The following ODAD2 variants were observed in gnomAD, a reference collection of about 807,000 sequenced individuals.
ODAD2 encodes the protein outer dynein arm-docking complex subunit 2.
ODAD2 carries 89 observed loss-of-function variants against 106.8 expected under a neutral mutation model. The ratio of observed to expected loss-of-function variants is 0.83; its 90% CI spans 0.70 to 0.99. The LOEUF (loss-of-function observed/expected upper bound fraction) is 0.99. Among genes scored for constraint, ODAD2 ranks in the 50% least tolerant of loss-of-function variants. The pLI is 0.00. For synonymous variants in ODAD2, 404 were observed against 436.2 expected (o/e 0.93, Z 0.92); for missense variants, 1,168 against 1,238.5 (o/e 0.94, Z 0.85).
chr10:27,980,608 A>T (rs1849484863), intron 7 of ODAD2, among the ~76,000 whole-genome samples: 1 of 152,196 alleles, frequency 6.6e-6, no homozygotes, highest in African/African-American at 2.4e-5. Context: ...ATGCAAATCA[A>T]AGCCCCAATG....
intron 16 of ODAD2, among the ~76,000 whole-genome samples, chr10:27,924,023 A>AAAGG (rs1491290904): frequency 2.3e-5 from 3 of 129,156 alleles, no homozygotes; most frequent in African/African-American, 9.1e-5. Context: ...AGAAAGAAAG[A>AAAGG]AGGAAAGAGA....
intron 19 of ODAD2, among the ~76,000 whole-genome samples, chr10:27,835,515 C>T (rs1033580058): frequency 3.3e-5 from 5 of 152,194 alleles, no homozygotes; most frequent in Admixed American, 2.6e-4. Context: ...AGTTAGGGCA[C>T]CACGCCCTCA....
intron 1 of ODAD2, among the ~76,000 whole-genome samples, 159 bp downstream of exon 1, chr10:27,998,834 CG>C (rs1850715288): frequency 1.3e-5 from 2 of 152,092 alleles, no homozygotes; most frequent in African/African-American, 4.8e-5. Context: ...AGTCGGCGCC[CG>C]CCTGTTGCTA....
At chr10:27,987,756 G>GAT (rs961082193) in intron 2 of ODAD2, among the ~76,000 whole-genome samples, 2 of 151,556 alleles carry the variant, frequency 1.3e-5, no homozygotes, top group African/African-American at 4.8e-5. Flanking sequence ...TGACCAATAG[G>GAT]ATATAACCAA....
intron 7 of ODAD2, among the ~76,000 whole-genome samples, chr10:27,974,386 G>A (rs1231832901): frequency 1.3e-5 from 2 of 152,040 alleles, no homozygotes; most frequent in South Asian, 2.1e-4. Flanking sequence ...CTTTTATCCC[G>A]CTTGAGTTGA....
At chr10:27,883,269 A>C (rs1243331503) in intron 17 of ODAD2, among the ~76,000 whole-genome samples, 1 of 152,046 alleles carries the variant, frequency 6.6e-6, no homozygotes, top group Admixed American at 6.6e-5. Context: ...ATATCTGTCA[A>C]CTCATTTGTT....
At chr10:27,929,266 A>G (rs1350025303) in intron 16 of ODAD2, among the ~76,000 whole-genome samples, 1 of 152,142 alleles carries the variant, frequency 6.6e-6, no homozygotes. Context: ...AGGCAGATAG[A>G]TAAAACAGAT....
intron 14 of ODAD2, among the ~76,000 whole-genome samples, chr10:27,938,095 C>G (rs1428107869): frequency 6.6e-6 from 1 of 152,086 alleles, no homozygotes; most frequent in Admixed American, 6.6e-5. Flanking sequence ...ACCACCACAC[C>G]TGGCTAATTG....
At chr10:27,929,240 G>C (rs1040550521) in intron 16 of ODAD2, among the ~76,000 whole-genome samples, 4 of 152,100 alleles carry the variant, frequency 2.6e-5, no homozygotes, top group South Asian at 4.1e-4. Context: ...TAGATAGAAG[G>C]ATTGATGGAT....
intron 19 of ODAD2, among the ~76,000 whole-genome samples, chr10:27,814,158 A>G (rs1249569326): frequency 6.6e-6 from 1 of 152,102 alleles, no homozygotes; most frequent in African/African-American, 2.4e-5. Context: ...GGGGGAAAAA[A>G]GGGAAACAGG....
At chr10:27,907,403 C>A (rs1843675365) in intron 17 of ODAD2, among the ~76,000 whole-genome samples, 1 of 152,136 alleles carries the variant, frequency 6.6e-6, no homozygotes, top group African/African-American at 2.4e-5. Flanking sequence ...CTCTGATTTA[C>A]CTGGGATGCT....
intron 10 of ODAD2, among the ~76,000 whole-genome samples, chr10:27,955,340 G>A (rs1451116155): frequency 6.6e-6 from 1 of 151,936 alleles, no homozygotes; most frequent in African/African-American, 2.4e-5. Context: ...ACTCTCACTC[G>A]AATGAAGAAA....
chr10:27,940,791 G>C lies in ODAD2; in HGVS notation c.1758C>G (p.Asp586Glu), dbSNP rs762333658. The change falls in exon 13 of 20, where the codon GAC becomes GAG. Residue 586 changes from aspartate to glutamate, a missense_variant. Asp to Glu is a conservative substitution (Grantham distance 45). Transcript: ENST00000305242. ...CAGGTTTTGTGGAATCATGTGCACA[G>C]TCTAGTAGAGCAACCTATAATAATA... Reference protein sequence around the residue: ...GGITKLVALLDCAHDSTKPAQ... With the variant: ...GGITKLVALLECAHDSTKPAQ... 6 of 1,613,914 alleles carry C rather than the reference G, an allele frequency of 3.7e-6. No homozygotes were observed. Among genetic ancestry groups the C allele is most frequent in the Non-Finnish European group, 8.5e-7 (1 of 1,179,874 alleles).
chr10:27,936,244 G>A (rs182174196), intron 15 of ODAD2, among the ~76,000 whole-genome samples: 4 of 152,168 alleles, frequency 2.6e-5, no homozygotes, highest in Admixed American at 2.0e-4. Flanking sequence ...GGTCATAAAG[G>A]TTACAAATAC....
intron 17 of ODAD2, among the ~76,000 whole-genome samples, chr10:27,864,578 A>ATGGGGAGTGAGGTGAGAG (rs1840303249): frequency 1.3e-5 from 1 of 76,214 alleles, no homozygotes; most frequent in African/African-American, 5.7e-5. Context: ...TGAGGTGAGA[A>ATGGGGAGTGAGGTGAGAG]TGGGGAGTGA....
chr10:27,925,829 G>T (rs941361461), intron 16 of ODAD2, among the ~76,000 whole-genome samples: 1 of 151,978 alleles, frequency 6.6e-6, no homozygotes, highest in Non-Finnish European at 1.5e-5. Context: ...GAAGGTACTA[G>T]GGAATTAGCT....
chr10:27,834,216 TAGG>T (rs972702026), intron 19 of ODAD2, among the ~76,000 whole-genome samples: 7 of 152,172 alleles, frequency 4.6e-5, no homozygotes, highest in African/African-American at 1.4e-4. Flanking sequence ...TGAAATAATC[TAGG>T]AGGTTGTTTT....
chr10:27,942,869 G>T (rs569929415), intron 12 of ODAD2, among the ~76,000 whole-genome samples: 5 of 152,224 alleles, frequency 3.3e-5, no homozygotes, highest in Non-Finnish European at 5.9e-5. Flanking sequence ...TCTCATTTTT[G>T]AAACAAATAC....
chr10:27,833,377 GAA>G (rs34549525), intron 19 of ODAD2, among the ~76,000 whole-genome samples: 1 of 150,118 alleles, frequency 6.7e-6, no homozygotes, highest in Non-Finnish European at 1.5e-5. Flanking sequence ...GGTACAAACT[GAA>G]AAAAAAAATC....
Sources: gnomAD v4.1 joint callset for allele counts (sites outside exome capture counted in the v4.1 genomes callset) on GRCh38, gnomAD v4.1.1 for gene constraint, MANE v1.5 for transcripts, NCBI Gene and HGNC (gene_info 2026-07-23, HGNC 2026-07-21) for gene names.